RGL1: variants seen among roughly 807,000 people sequenced by gnomAD.
RGL1 encodes ral guanine nucleotide dissociation stimulator like 1.
Under a neutral mutation model 95.2 loss-of-function variants are expected in RGL1, and 24 were observed. That is an observed-to-expected ratio of 0.25 (90% confidence interval 0.18 to 0.35). The LOEUF is 0.35. Ranked by LOEUF, RGL1 falls within the 10% of genes least tolerant of loss-of-function variation. RGL1 has a pLI of 1.00. For missense variants in RGL1, 715 were observed against 936.3 expected, an observed-to-expected ratio of 0.76 and a Z score of 3.08; for synonymous variants, 329 against 344.9, an observed-to-expected ratio of 0.95 and a Z score of 0.51.
At chr1:183,862,360 T>C (rs550248989) in intron 3 of RGL1, among the ~76,000 whole-genome samples, 2 of 151,868 alleles carry the variant, frequency 1.3e-5, no homozygotes, top group East Asian at 3.9e-4. Context: ...AGACCCTGTT[T>C]CAATGGGAAA....
chr1:183,705,957 C>T (rs915196017), intron 1 of RGL1, among the ~76,000 whole-genome samples: 10 of 151,956 alleles, frequency 6.6e-5, no homozygotes, highest in African/African-American at 2.4e-4. Flanking sequence ...TTAAGAGTAA[C>T]GTGGACAGGG....
chr1:183,883,851 G>A lies in RGL1; in HGVS notation c.676G>A (p.Ala226Thr), dbSNP rs778055444. The A allele has an allele frequency of 1.2e-6, 2 of 1,614,016 alleles. No individual in the cohort carries two copies. Among genetic ancestry groups the A allele is most frequent in the Non-Finnish European group, 1.7e-6 (2 of 1,179,950 alleles). ...AGAGGAACTGGAGGGTGGAGAGTCAGCAGAATTCACGTGCTTCTCAGAAGA... is the reference window on the plus strand; with the variant it reads ...AGAGGAACTGGAGGGTGGAGAGTCAACAGAATTCACGTGCTTCTCAGAAGA... ...EEEELEGGESAEFTCFSEDLV... is the reference protein window; with the variant it reads ...EEEELEGGESTEFTCFSEDLV... The change falls in exon 6 of 18, where the codon GCA becomes ACA. Residue 226 changes from alanine to threonine, a missense_variant. This residue lies in a region of RGL1 where 381 missense variants were observed against 484.8 expected (regional missense o/e 0.79). Coordinates refer to ENST00000360851, the MANE Select transcript of RGL1 (RefSeq NM_001297671.3).
chr1:183,805,337 C>T lies in RGL1; in HGVS notation c.27+13C>T, dbSNP rs754146966. The T allele has an allele frequency of 1.2e-6, 2 of 1,607,350 alleles. No homozygotes were observed. Among genetic ancestry groups the T allele is most frequent in the East Asian group, 4.5e-5 (2 of 44,838 alleles). On this transcript the variant is annotated intron_variant, in intron 1 of 17. Coordinates refer to ENST00000360851, the MANE Select transcript of RGL1 (RefSeq NM_001297671.3). ...GCAAGCTAAAATGGTAACGAGAGCTCTCTGCCTTCTCCCGAGGCTTCTCTG... is the reference window on the plus strand; with the variant it reads ...GCAAGCTAAAATGGTAACGAGAGCTTTCTGCCTTCTCCCGAGGCTTCTCTG...
At chr1:183,729,538 G>A (rs1248261267) in intron 1 of RGL1, among the ~76,000 whole-genome samples, 1 of 152,100 alleles carries the variant, frequency 6.6e-6, no homozygotes, top group East Asian at 1.9e-4. Context: ...ATATAAAATT[G>A]TACAACCACT....
chr1:183,895,553 CAA>C (rs1290532031), intron 9 of RGL1, among the ~76,000 whole-genome samples: 1 of 151,926 alleles, frequency 6.6e-6, no homozygotes, highest in African/African-American at 2.4e-5. Flanking sequence ...CAGCAGAAAA[CAA>C]GAGGATAACT....
At chr1:183,769,499 G>A (rs548082986) in intron 2 of RGL1, among the ~76,000 whole-genome samples, 145 of 152,338 alleles carry the variant, frequency 9.5e-4, no homozygotes, top group African/African-American at 3.4e-3. Flanking sequence ...AAACATGCTT[G>A]GATAGATTTA....
chr1:183,739,651 C>G (rs1657165030), intron 1 of RGL1, among the ~76,000 whole-genome samples: 1 of 152,188 alleles, frequency 6.6e-6, no homozygotes, highest in Non-Finnish European at 1.5e-5. Context: ...AAAAAGACTT[C>G]AAGTCTCAGA....
At chr1:183,818,541 T>C (rs2500123) in intron 2 of RGL1, among the ~76,000 whole-genome samples, 46,015 of 152,054 alleles carry the variant, frequency 0.3, 8,058 homozygotes, top group South Asian at 0.54. Flanking sequence ...TTTATCTGAG[T>C]TTCCTTAGCA....
chr1:183,906,951 A>C, intron 13 of RGL1, 61 bp from the exon 14 acceptor site: 1 of 915,516 alleles, frequency 1.1e-6, no homozygotes, highest in South Asian at 1.4e-5. Flanking sequence ...CATCATGTGA[A>C]TTTAAGTGTG....
intron 1 of RGL1, among the ~76,000 whole-genome samples, chr1:183,739,753 G>A (rs1036708633): frequency 6.6e-6 from 1 of 152,148 alleles, no homozygotes; most frequent in South Asian, 2.1e-4. Flanking sequence ...CTTTGGAATC[G>A]TTTAAAACTC....
At chr1:183,907,145 C>A in intron 14 of RGL1, 44 bp downstream of exon 14, 1 of 1,184,758 alleles carries the variant, frequency 8.4e-7, no homozygotes, top group Non-Finnish European at 1.2e-6. Context: ...AGGGTGCCAT[C>A]AGAGTCGTGA....
In RGL1 at chr1:183,868,854, G is replaced by A. The variant is rs542120260; in HGVS notation, c.425+2781G>A. Among the ~76,000 whole-genome samples the A allele has an allele frequency of 1.8e-4, 27 of 152,332 alleles. 1 individual carries two copies. The South Asian group carries it at 4.6e-3, about 26-fold the overall frequency. ...GAGCTGGCCGGGCGTGGTGGCTCAT[G>A]CCTGTAATCCCAACACTTTGGGAAG... On this transcript the variant is annotated intron_variant, in intron 4 of 17. Transcript: ENST00000360851.
chr1:183,920,437 C>T (rs974407653), intron 16 of RGL1, among the ~76,000 whole-genome samples: 39 of 152,196 alleles, frequency 2.6e-4, no homozygotes, highest in Non-Finnish European at 2.4e-4. Context: ...TAAGGATGCA[C>T]GCTTGAGCTG....
At chr1:183,723,018 A>G (rs1373641512) in intron 1 of RGL1, among the ~76,000 whole-genome samples, 1 of 152,210 alleles carries the variant, frequency 6.6e-6, no homozygotes, top group Non-Finnish European at 1.5e-5. Flanking sequence ...TGAGAAAGTA[A>G]AATACATGAC....
At chr1:183,791,179 T>C (rs1287954774) in intron 2 of RGL1, among the ~76,000 whole-genome samples, 2 of 152,234 alleles carry the variant, frequency 1.3e-5, no homozygotes, top group East Asian at 3.8e-4. Flanking sequence ...GAGATGATTC[T>C]GCCAGTTTAA....
intron 1 of RGL1, among the ~76,000 whole-genome samples, chr1:183,712,821 T>G (rs554606957): frequency 3.9e-5 from 6 of 152,304 alleles, no homozygotes; most frequent in African/African-American, 1.2e-4. Context: ...ATAAATGTTT[T>G]GTGGCATTCT....
Position 183,638,540 on chromosome 1 carries a change from T to G in RGL1, c.-33+2039T>G, listed in dbSNP as rs1234977399. Among the ~76,000 whole-genome samples the G allele has an allele frequency of 5.9e-5, 9 of 152,308 alleles. No individual in the cohort carries two copies. The East Asian group carries it at 1.5e-3, about 26-fold the overall frequency. On this transcript the variant is annotated intron_variant, in intron 1 of 18. Coordinates refer to the RGL1 transcript ENST00000304685. ...AATCTTTATAAAGCTTTAAGAGAAA[T>G]TTTTGTGTGTATGTGGAGAAATCTG...
intron 1 of RGL1, among the ~76,000 whole-genome samples, chr1:183,659,709 C>T (rs1259464199): frequency 1.3e-5 from 2 of 151,762 alleles, no homozygotes; most frequent in Non-Finnish European, 2.9e-5. Context: ...ACAGAGAACA[C>T]CACAAAGATA....
At chr1:183,643,459 C>A (rs1170627308) in intron 1 of RGL1, among the ~76,000 whole-genome samples, 6 of 151,666 alleles carry the variant, frequency 4.0e-5, no homozygotes, top group Non-Finnish European at 5.9e-5. Context: ...GCCTGGCTAA[C>A]TTTTTGTATT....
Sources: allele counts gnomAD v4.1 joint callset (sites outside exome capture counted in the v4.1 genomes callset), GRCh38; gene constraint gnomAD v4.1.1; regional missense constraint gnomAD v4.1.1; transcripts MANE v1.5; gene names NCBI Gene and HGNC (gene_info 2026-07-23, HGNC 2026-07-21).